The following IPCEF1 variants were observed in gnomAD, a reference collection of about 807,000 sequenced individuals.
IPCEF1 encodes interactor protein for cytohesin exchange factors 1.
IPCEF1 carries 31 observed loss-of-function variants against 50.9 expected under a neutral mutation model. The observed-to-expected ratio is 0.61, with a 90% CI of 0.46 to 0.82. The LOEUF is 0.82. Ranked by LOEUF, IPCEF1 falls within the 40% of genes least tolerant of loss-of-function variation. IPCEF1 has a pLI of 0.00. For synonymous variants in IPCEF1, 181 were observed against 192.0 expected, an observed-to-expected ratio of 0.94 and a Z score of 0.47; for missense variants, 458 against 514.0, an observed-to-expected ratio of 0.89 and a Z score of 1.05.
chr6:154,200,700 G>A (rs1157358080), intron 9 of IPCEF1, among the ~76,000 whole-genome samples: 6 of 152,292 alleles, frequency 3.9e-5, no homozygotes, highest in Non-Finnish European at 2.9e-5. Context: ...CAGTCTGGGT[G>A]ACAGAGTGAG....
At chr6:154,321,066 G>A (rs1176983365) in intron 1 of IPCEF1, among the ~76,000 whole-genome samples, 2 of 151,888 alleles carry the variant, frequency 1.3e-5, no homozygotes, top group Middle Eastern at 3.2e-3. Context: ...GACTAGCTGG[G>A]ATTATAGGCG....
chr6:154,228,433 C>T (rs1779443426), intron 5 of IPCEF1, among the ~76,000 whole-genome samples: 1 of 152,204 alleles, frequency 6.6e-6, no homozygotes, highest in Non-Finnish European at 1.5e-5. Flanking sequence ...ATTGTACAAA[C>T]TTCTCTTTCC....
intron 10 of IPCEF1, among the ~76,000 whole-genome samples, chr6:154,173,453 T>C (rs1211242753): frequency 6.6e-6 from 1 of 152,094 alleles, no homozygotes; most frequent in African/African-American, 2.4e-5. Context: ...CTAACTAGAA[T>C]AGCCAGTGTA....
chr6:154,245,319 G>A (rs1156793397), intron 5 of IPCEF1, among the ~76,000 whole-genome samples: 2 of 151,884 alleles, frequency 1.3e-5, no homozygotes, highest in Admixed American at 6.6e-5. Flanking sequence ...GGAACCCAAA[G>A]AGGAGCTTTG....
intron 1 of IPCEF1, among the ~76,000 whole-genome samples, chr6:154,342,478 G>A (rs1464808913): frequency 6.6e-6 from 1 of 152,188 alleles, no homozygotes; most frequent in Non-Finnish European, 1.5e-5. Context: ...ATGGAGAGCA[G>A]TGGCATGATC....
intron 10 of IPCEF1, among the ~76,000 whole-genome samples, chr6:154,198,977 G>A (rs1248555201): frequency 1.3e-5 from 2 of 152,140 alleles, no homozygotes; most frequent in Non-Finnish European, 2.9e-5. Flanking sequence ...GATACGTCAC[G>A]ATTGAACAGT....
At chr6:154,207,113 A>T (rs1230716490) in intron 9 of IPCEF1, among the ~76,000 whole-genome samples, 3 of 152,122 alleles carry the variant, frequency 2.0e-5, no homozygotes, top group Non-Finnish European at 4.4e-5. Context: ...TATTTCAATA[A>T]CTCAGGTCAG....
intron 5 of IPCEF1, among the ~76,000 whole-genome samples, chr6:154,228,232 G>C (rs971992553): frequency 7.9e-5 from 12 of 151,716 alleles, no homozygotes; most frequent in African/African-American, 2.7e-4. Context: ...TTGGGAGGCC[G>C]AGGCAGAAAG....
rs2128655130 is a variant in IPCEF1 at position 154,265,798 on chromosome 6, G to A, written c.36+114C>T. ...CAACAGTGTCTTTGGTTCTACTGTG[G>A]CTAATGAAATTGAGGACAATAAATT... On this transcript the variant is annotated intron_variant, in intron 3 of 11. Transcript: ENST00000367220. 16 of 729,638 alleles carry A rather than the reference G, an allele frequency of 2.2e-5. No homozygotes were observed. In the South Asian group the frequency reaches 2.7e-4, roughly 12 times the overall value. The allele number at this position is 729,638 out of a possible 1,614,324, so 45.2% of individuals were successfully genotyped here.
intron 10 of IPCEF1, among the ~76,000 whole-genome samples, chr6:154,181,687 G>C (rs17085144): frequency 0.082 from 12,425 of 152,206 alleles, 994 homozygotes; most frequent in East Asian, 0.43. Flanking sequence ...TGCTGCTGAG[G>C]TTCCCAGGTT....
chr6:154,228,935 A>C (rs1361229962), intron 5 of IPCEF1, among the ~76,000 whole-genome samples: 1 of 152,218 alleles, frequency 6.6e-6, no homozygotes, highest in East Asian at 1.9e-4. Context: ...AGGTGTGAGC[A>C]AGGCAGGTTG....
intron 2 of IPCEF1, among the ~76,000 whole-genome samples, chr6:154,288,676 CAAAAAAAAAAAAAAAAAAA>C (rs558703057): frequency 2.1e-5 from 1 of 46,894 alleles, no homozygotes; most frequent in Non-Finnish European, 4.9e-5. Context: ...ACAAAAAAAA[CAAAAAAAAAAAAAAAAAAA>C]AAAAAAAAAA....
chr6:154,282,486 T>C (rs917906784), intron 2 of IPCEF1, among the ~76,000 whole-genome samples: 6 of 151,768 alleles, frequency 4.0e-5, no homozygotes, highest in African/African-American at 1.5e-4. Context: ...ATCGAGACCA[T>C]CCTGGCTAAC....
intron 3 of IPCEF1, among the ~76,000 whole-genome samples, chr6:154,257,725 G>C (rs1260361523): frequency 6.6e-6 from 1 of 151,876 alleles, no homozygotes; most frequent in East Asian, 1.9e-4. Flanking sequence ...TTTGAGACAG[G>C]GTCTTGCTTT....
At chr6:154,295,911 G>A (rs62435682) in intron 1 of IPCEF1, among the ~76,000 whole-genome samples, 8 of 150,424 alleles carry the variant, frequency 5.3e-5, no homozygotes, top group East Asian at 2.0e-4. Flanking sequence ...ACACACACAC[G>A]CACACACACA....
At chr6:154,337,089 A>T (rs79726209) in intron 1 of IPCEF1, among the ~76,000 whole-genome samples, 3,377 of 152,328 alleles carry the variant, frequency 0.022, 58 homozygotes, top group Middle Eastern at 0.075. Context: ...CTATGCATGT[A>T]ACAAAATATC....
intron 1 of IPCEF1, among the ~76,000 whole-genome samples, chr6:154,352,603 C>T (rs1000708663): frequency 1.3e-5 from 2 of 152,220 alleles, no homozygotes; most frequent in Middle Eastern, 6.8e-3. Flanking sequence ...TTTTGTCTGC[C>T]GACTATCTCT....
chr6:154,317,548 CAAAAAAAA>C (rs71021041), intron 1 of IPCEF1, among the ~76,000 whole-genome samples: 1 of 16,302 alleles, frequency 6.1e-5, no homozygotes, highest in African/African-American at 3.0e-4. Context: ...GACTCCATCT[CAAAAAAAA>C]AAAAAAAAAA....
At chr6:154,282,340 T>C (rs1021112118) in intron 2 of IPCEF1, among the ~76,000 whole-genome samples, 6 of 152,036 alleles carry the variant, frequency 3.9e-5, no homozygotes, top group Non-Finnish European at 8.8e-5. Flanking sequence ...GAGATTACAA[T>C]GTCATCTCTT....
Sources: gnomAD v4.1 joint callset for allele counts (sites outside exome capture counted in the v4.1 genomes callset) on GRCh38, gnomAD v4.1.1 for gene constraint, MANE v1.5 for transcripts, NCBI Gene and HGNC (gene_info 2026-07-23, HGNC 2026-07-21) for gene names.